The following KCND3 variants were observed in gnomAD, a reference collection of about 807,000 sequenced individuals.
KCND3 encodes A-type voltage-gated potassium channel KCND3.
In KCND3, 9 loss-of-function variants were observed where a neutral mutation model predicts 51.1. The ratio of observed to expected loss-of-function variants is 0.18; its 90% CI spans 0.11 to 0.31. KCND3 has a LOEUF of 0.31. KCND3 is among the 10% of genes least tolerant of loss of function. The pLI is 1.00. For missense variants in KCND3, 526 were observed against 903.8 expected (o/e 0.58, Z 5.36); for synonymous variants, 349 against 368.0 (o/e 0.95, Z 0.59).
At chr1:111,832,661 G>T (rs1666888866) in intron 2 of KCND3, among the ~76,000 whole-genome samples, 1 of 152,160 alleles carries the variant, frequency 6.6e-6, no homozygotes, top group Non-Finnish European at 1.5e-5. Context: ...TTTCGATTCA[G>T]ACAGAGTTTC....
chr1:111,771,002 G>C lies in KCND3; in HGVS notation c.*5075C>G, dbSNP rs1334187895. 2 of 152,058 alleles carry C rather than the reference G, an allele frequency of 1.3e-5. No individual in the cohort carries two copies. The highest frequency in any genetic ancestry group is 2.9e-5 in the Non-Finnish European group (2 of 67,986). 9.4% of individuals were successfully genotyped at this position (152,058 alleles called of 1,614,324 possible). A position where few individuals can be genotyped will look rare whatever the true frequency, so the allele number is the denominator to read the frequency against. ...GACCTCTAAGGAAAACATTACATTG[G>C]AATGTCTGATTATCAAAAATATACC... On this transcript the variant is annotated 3_prime_UTR_variant, in exon 8 of 8. Coordinates refer to ENST00000302127, the MANE Select transcript of KCND3 (RefSeq NM_001378969.1).
Position 111,787,103 on chromosome 1 carries a change from G to A in KCND3, c.1110C>T (p.Tyr370=), listed in dbSNP as rs190089254. The A allele has an allele frequency of 2.0e-5, 32 of 1,614,094 alleles. No homozygotes were observed. The highest frequency in any genetic ancestry group is 8.9e-5 in the East Asian group (4 of 44,880). The change falls in exon 3 of 8, where the codon TAC becomes TAT. Residue 370 remains tyrosine (Y), a synonymous_variant. Transcript: ENST00000302127. The part of the protein sequence containing the change: ...YTIVTMTTLG[Y]GDMVPKTIAG... Reference sequence around the variant, plus strand: ...CAATCGTCTTAGGCACCATGTCTCCGTATCTGAGAGAGGGAGAGAAACAGG... The same window carrying A: ...CAATCGTCTTAGGCACCATGTCTCCATATCTGAGAGAGGGAGAGAAACAGG...
At chr1:111,798,285 G>A (rs1665147543) in intron 2 of KCND3, among the ~76,000 whole-genome samples, 2 of 152,080 alleles carry the variant, frequency 1.3e-5, no homozygotes, top group African/African-American at 2.4e-5. Flanking sequence ...TCTCAACTGG[G>A]AATGGCCCTC....
chr1:111,819,803 G>T (rs1392187430), intron 2 of KCND3, among the ~76,000 whole-genome samples: 2 of 152,128 alleles, frequency 1.3e-5, no homozygotes, highest in Non-Finnish European at 1.5e-5. Flanking sequence ...ACAATGAGGC[G>T]ACTGTAATCA....
intron 2 of KCND3, among the ~76,000 whole-genome samples, chr1:111,843,666 T>C (rs1667426333): frequency 2.0e-5 from 3 of 152,148 alleles, no homozygotes; most frequent in African/African-American, 4.8e-5. Context: ...GGAAAGAAGA[T>C]AGTGATAAGG....
intron 2 of KCND3, among the ~76,000 whole-genome samples, chr1:111,809,650 C>CGTGTGT (rs10591522): frequency 4.9e-4 from 73 of 149,928 alleles, no homozygotes; most frequent in African/African-American, 1.5e-3. Context: ...TCACATTTCC[C>CGTGTGT]GTGTGTGTGT....
At chr1:111,915,752 C>CAAAAAAAA (rs35574221) in intron 2 of KCND3, among the ~76,000 whole-genome samples, 4 of 67,316 alleles carry the variant, frequency 5.9e-5, no homozygotes, top group Non-Finnish European at 1.1e-4. Flanking sequence ...GACTCTGTCT[C>CAAAAAAAA]AAAAAAAAAA....
At chr1:111,820,299 G>A (rs1035059955) in intron 2 of KCND3, among the ~76,000 whole-genome samples, 3 of 152,116 alleles carry the variant, frequency 2.0e-5, no homozygotes, top group Admixed American at 6.5e-5. Context: ...AAGTTCAAAT[G>A]TCATTTCAAA....
At chr1:111,811,520 G>C (rs1665847274) in intron 2 of KCND3, among the ~76,000 whole-genome samples, 1 of 152,178 alleles carries the variant, frequency 6.6e-6, no homozygotes, top group Admixed American at 6.5e-5. Flanking sequence ...TGTGGGGACT[G>C]GCTAAGGGGT....
In KCND3 at chr1:111,786,976, T is replaced by G; in HGVS notation, c.1237A>C (p.Asn413His). 6.2e-7 allele frequency: 1 copy of G among 1,614,190 alleles called. No homozygotes were observed. Among genetic ancestry groups the G allele is most frequent in the Non-Finnish European group, 8.5e-7 (1 of 1,180,036 alleles). The change falls in exon 3 of 8, where the codon AAT becomes CAT. Residue 413 changes from asparagine to histidine, a missense_variant. By Grantham distance (68) the Asn-to-His change is moderately conservative. Coordinates refer to ENST00000302127, the MANE Select transcript of KCND3 (RefSeq NM_001378969.1). Reference protein sequence around the residue: ...VSNFSRIYHQNQRADKRRAQK... With the variant: ...VSNFSRIYHQHQRADKRRAQK... ...GCCCTGCGTTTATCAGCTCTCTGAT[T>G]CTGGTGGTAAATCCGGCTAAAGTTG...
chr1:111,880,748 C>T (rs991790870), intron 2 of KCND3, among the ~76,000 whole-genome samples: 19 of 152,184 alleles, frequency 1.2e-4, no homozygotes, highest in African/African-American at 4.3e-4. Flanking sequence ...AGTGTGCCTT[C>T]GCTCCTGCTA....
At chr1:111,962,606 G>A (rs1278566445) in intron 2 of KCND3, among the ~76,000 whole-genome samples, 1 of 152,170 alleles carries the variant, frequency 6.6e-6, no homozygotes, top group African/African-American at 2.4e-5. Context: ...GAAACAACTT[G>A]GACTTTTGAT....
At chr1:111,803,703 A>G (rs1457381953) in intron 2 of KCND3, among the ~76,000 whole-genome samples, 2 of 152,202 alleles carry the variant, frequency 1.3e-5, no homozygotes, top group African/African-American at 2.4e-5. Context: ...ATGAAAGGCA[A>G]GTGAGAAATA....
chr1:111,795,191 C>G (rs1665003540), intron 2 of KCND3, among the ~76,000 whole-genome samples: 1 of 152,184 alleles, frequency 6.6e-6, no homozygotes, highest in South Asian at 2.1e-4. Context: ...CATGCACCCC[C>G]TACCCCCAAC....
intron 2 of KCND3, among the ~76,000 whole-genome samples, chr1:111,843,603 C>T (rs140675658): frequency 2.0e-5 from 3 of 152,304 alleles, no homozygotes; most frequent in African/African-American, 7.2e-5. Flanking sequence ...GCCAGTGAAG[C>T]CCCTTCTGCC....
chr1:111,874,405 A>C (rs1668958207), intron 2 of KCND3, among the ~76,000 whole-genome samples: 1 of 152,166 alleles, frequency 6.6e-6, no homozygotes, highest in Non-Finnish European at 1.5e-5. Flanking sequence ...GAGAACTTCC[A>C]GAAGTTCTTT....
chr1:111,776,323 C>T (rs540669131), intron 7 of KCND3, 45 bp from the exon 8 acceptor site: 11 of 1,574,054 alleles, frequency 7.0e-6, no homozygotes, highest in African/African-American at 4.0e-5. Context: ...TGCTGGCCAG[C>T]GTCCCAAAGC....
chr1:111,806,104 A>G (rs7542246), intron 2 of KCND3, among the ~76,000 whole-genome samples: 12,402 of 151,916 alleles, frequency 0.082, 877 homozygotes, highest in African/African-American at 0.18. Context: ...TACGACACTG[A>G]CTCCCAGATG....
At chr1:111,924,192 A>G (rs1671596781) in intron 2 of KCND3, among the ~76,000 whole-genome samples, 1 of 152,266 alleles carries the variant, frequency 6.6e-6, no homozygotes, top group South Asian at 2.1e-4. Context: ...AGACCTCAGA[A>G]GCAAAGGTGA....
Sources: allele counts gnomAD v4.1 joint callset (sites outside exome capture counted in the v4.1 genomes callset), GRCh38; gene constraint gnomAD v4.1.1; transcripts MANE v1.5; gene names NCBI Gene and HGNC (gene_info 2026-07-23, HGNC 2026-07-21).